Variants in MTRR observed in about 807,000 individuals in gnomAD.
MTRR encodes 5-methyltetrahydrofolate-homocysteine methyltransferase reductase.
Under a neutral mutation model 79.2 loss-of-function variants are expected in MTRR, and 63 were observed. The observed-to-expected ratio is 0.80, with a 90% CI of 0.65 to 0.98. The LOEUF is 0.98. Among genes scored for constraint, MTRR ranks in the 50% least tolerant of loss-of-function variants. The pLI is 0.00. For missense variants in MTRR, 895 were observed against 839.6 expected (o/e 1.07, Z -0.82); for synonymous variants, 355 against 313.3 (o/e 1.13, Z -1.41).
intron 1 of MTRR, among the ~76,000 whole-genome samples, chr5:7,855,530 TG>T (rs33983120): frequency 0.032 from 4,797 of 151,878 alleles, 151 homozygotes; most frequent in African/African-American, 0.073. Context: ...TTTTTAGAGA[TG>T]GGGTTTTGCT....
chr5:7,869,320 G>C, intron 1 of MTRR, 105 bp downstream of exon 1: 2 of 1,406,288 alleles, frequency 1.4e-6, no homozygotes, highest in Non-Finnish European at 2.0e-6. Flanking sequence ...GCTTGCGCCC[G>C]TGGTTCCCAC....
chr5:7,880,115 A>G (rs1268487900), intron 5 of MTRR, among the ~76,000 whole-genome samples: 1 of 151,572 alleles, frequency 6.6e-6, no homozygotes, highest in Non-Finnish European at 1.5e-5. Flanking sequence ...TTGTGCTGGC[A>G]CTGCAGGCCC....
At chr5:7,851,201 G>A in exon 1 of MTRR, 1 of 638,838 alleles carries the variant, frequency 1.6e-6, no homozygotes, top group African/African-American at 1.9e-5. Flanking sequence ...TCCCGCTCCA[G>A]GGTGGAGCGA....
intron 10 of MTRR, among the ~76,000 whole-genome samples, chr5:7,892,060 T>C (rs162047): frequency 0.27 from 40,457 of 151,850 alleles, 6,567 homozygotes; most frequent in African/African-American, 0.41. Context: ...AAAAAAAGAA[T>C]ATTTGATGAG....
At chr5:7,899,887 C>T in intron 14 of MTRR, 27 bp from the exon 15 acceptor site, 1 of 1,613,884 alleles carries the variant, frequency 6.2e-7, no homozygotes, top group East Asian at 2.2e-5. Flanking sequence ...TGTTTGTAAG[C>T]AGTCATCTTA....
chr5:7,891,274 T>C (rs1304287572), intron 9 of MTRR, 98 bp from the exon 10 acceptor site: 3 of 748,044 alleles, frequency 4.0e-6, no homozygotes, highest in Non-Finnish European at 6.5e-6. Context: ...TTGAGTATTC[T>C]AAATAAGACA....
chr5:7,886,778 T>C (rs1350445204), intron 8 of MTRR, 75 bp downstream of exon 8: 1 of 1,180,102 alleles, frequency 8.5e-7, no homozygotes, highest in Non-Finnish European at 1.3e-6. Context: ...TAAACAAATT[T>C]AGAATATGCC....
chr5:7,869,044 C>A, upstream of MTRR: 2 of 1,498,502 alleles, frequency 1.3e-6, no homozygotes, highest in Non-Finnish European at 1.9e-6. Context: ...GCCTCCGTAG[C>A]AAACGCGGGG....
chr5:7,874,536 C>A (rs1463160471), intron 3 of MTRR, among the ~76,000 whole-genome samples: 1 of 149,236 alleles, frequency 6.7e-6, no homozygotes, highest in Non-Finnish European at 1.5e-5. Context: ...TCATTTCTCA[C>A]CCTTTTGTAG....
upstream of MTRR, chr5:7,868,201 A>C: frequency 1.1e-4 from 1 of 9,328 alleles, no homozygotes; most frequent in East Asian, 1.3e-3. Flanking sequence ...GAGTATCTGG[A>C]AAAAAAAAAA....
rs977517238 is a variant in MTRR, at chr5:7,901,024, T to C, written c.*966T>C. 7 of 152,188 alleles carry C rather than the reference T, an allele frequency of 4.6e-5. No homozygotes were observed. Among genetic ancestry groups the C allele is most frequent in the African/African-American group, 1.7e-4 (7 of 41,454 alleles). 9.4% of individuals were successfully genotyped at this position (152,188 alleles called of 1,614,324 possible). Reference sequence around the variant, plus strand: ...TCTTTCTCCACTGTTCTAATATATATTGTATTTTTATTTGATAGCTTGGGA... The same window carrying C: ...TCTTTCTCCACTGTTCTAATATATACTGTATTTTTATTTGATAGCTTGGGA... On this transcript the variant is annotated 3_prime_UTR_variant, in exon 15 of 15. Transcript: ENST00000440940.
upstream of MTRR, chr5:7,866,558 GCAACA>G (rs1746964425): frequency 4.5e-4 from 440 of 976,218 alleles, 6 homozygotes; most frequent in South Asian, 6.6e-3. Flanking sequence ...AAAACTAAAG[GCAACA>G]TATTGCCTTT....
chr5:7,869,966 C>T, intron 1 of MTRR: 1 of 958,148 alleles, frequency 1.0e-6, no homozygotes, highest in Non-Finnish European at 1.2e-6. Context: ...CACCGAAAGC[C>T]AAGCTTTTGG....
upstream of MTRR, among the ~76,000 whole-genome samples, chr5:7,865,581 T>C (rs1161459705): frequency 4.6e-5 from 7 of 152,206 alleles, no homozygotes; most frequent in African/African-American, 1.7e-4. Context: ...AACAAACAGC[T>C]ATGGGAAACC....
chr5:7,887,979 C>A (rs1482244146), intron 8 of MTRR, among the ~76,000 whole-genome samples: 7 of 151,542 alleles, frequency 4.6e-5, no homozygotes, highest in Non-Finnish European at 1.0e-4. Flanking sequence ...ATTATATGTG[C>A]TGTTCCATAA....
intron 4 of MTRR, among the ~76,000 whole-genome samples, chr5:7,876,758 T>C (rs1297927610): frequency 2.0e-5 from 3 of 152,206 alleles, no homozygotes; most frequent in African/African-American, 7.2e-5. Context: ...GTGCAATAGA[T>C]AACAGTAATC....
rs1248512840 is a variant in MTRR, at chr5:7,855,839, CT to C, written n.391+4259del. Among the ~76,000 whole-genome samples the C allele has an allele frequency of 9.9e-5, 15 of 151,616 alleles. 1 individual carries two copies. In the South Asian group the frequency reaches 2.7e-3, roughly 27 times the overall value. ...TGTGGGAGTGGGAGGGAGATGTTTG[CT>C]TTTTCTGGGATGGGATTACAAGTAC... is the stretch of plus-strand genomic sequence containing the variant. On this transcript the variant is annotated intron_variant and non_coding_transcript_variant, in intron 1 of 3. Coordinates refer to the MTRR transcript ENST00000502509.
intron 1 of MTRR, among the ~76,000 whole-genome samples, chr5:7,858,025 G>T (rs1207171651): frequency 6.6e-6 from 1 of 152,136 alleles, no homozygotes; most frequent in African/African-American, 2.4e-5. Flanking sequence ...TGTTTAATTG[G>T]TTAAGTCCCT....
At chr5:7,859,963 A>G (rs1746413546) in intron 1 of MTRR, among the ~76,000 whole-genome samples, 1 of 152,144 alleles carries the variant, frequency 6.6e-6, no homozygotes, top group African/African-American at 2.4e-5. Context: ...TGGAGGACGC[A>G]GCAGGGACAA....
Sources: allele counts gnomAD v4.1 joint callset (sites outside exome capture counted in the v4.1 genomes callset), GRCh38; gene constraint gnomAD v4.1.1; transcripts MANE v1.5; gene names NCBI Gene and HGNC (gene_info 2026-07-23, HGNC 2026-07-21).